Variants in PCDH11X observed in about 807,000 individuals in gnomAD.
The protein encoded by PCDH11X is protocadherin 11 X-linked.
In PCDH11X, 18 loss-of-function variants were observed where a neutral mutation model predicts 53.3. That is an observed-to-expected ratio of 0.34 (90% CI 0.23 to 0.50). The LOEUF (loss-of-function observed/expected upper bound fraction) is 0.50, where lower values mean the gene tolerates loss of function less well. Among genes scored for constraint, PCDH11X ranks in the 20% least tolerant of loss-of-function variants. PCDH11X has a pLI of 0.98. For synonymous variants in PCDH11X, 279 were observed against 393.3 expected, an observed-to-expected ratio of 0.71 and a Z score of 3.44; for missense variants, 570 against 1,032.4, an observed-to-expected ratio of 0.55 and a Z score of 6.14.
chrX:92,054,820 C>CAAAAAAA (rs1174448342), intron 6 of PCDH11X, among the ~76,000 whole-genome samples: 20 of 25,331 alleles, frequency 7.9e-4, no homozygotes, highest in African/African-American at 1.8e-3. Flanking sequence ...AACTCTGTCT[C>CAAAAAAA]AAAAAAAAAA....
intron 7 of PCDH11X, among the ~76,000 whole-genome samples, chrX:92,246,241 G>T (rs976507265): frequency 9.0e-6 from 1 of 111,542 alleles, no homozygotes; most frequent in South Asian, 3.8e-4. Context: ...ATTCATAGGC[G>T]TTGGGGCATA....
At chrX:91,782,634 A>G (rs1935189690) in intron 1 of PCDH11X, among the ~76,000 whole-genome samples, 1 of 107,304 alleles carries the variant, frequency 9.3e-6, no homozygotes, top group Non-Finnish European at 1.9e-5. Flanking sequence ...AGGCTGGGGA[A>G]TCCCCTTCAC....
chrX:92,340,309 C>T (rs1312470517), intron 8 of PCDH11X, among the ~76,000 whole-genome samples: 1 of 111,028 alleles, frequency 9.0e-6, no homozygotes, highest in Non-Finnish European at 1.9e-5. Context: ...CAGTGGGTGA[C>T]AGTGACCCTC....
chrX:92,274,412 T>C (rs1248574417), intron 8 of PCDH11X, among the ~76,000 whole-genome samples: 1 of 110,917 alleles, frequency 9.0e-6, no homozygotes, highest in African/African-American at 3.3e-5. Context: ...TATCAGACTG[T>C]ATTGAGGTGG....
intron 10 of PCDH11X, among the ~76,000 whole-genome samples, chrX:92,607,686 A>C (rs186583264): frequency 8.9e-6 from 1 of 111,913 alleles, no homozygotes; most frequent in African/African-American, 3.2e-5. Context: ...ATGACTTTGC[A>C]TCAATTTCCT....
rs766846934 is a variant in PCDH11X, at chrX:91,890,780, C to T, written c.3033+11507C>T. Among the ~76,000 whole-genome samples, 10 of 110,454 alleles carry T rather than the reference C, an allele frequency of 9.1e-5. No individual in the cohort carries two copies. In the South Asian group the frequency reaches 3.8e-3, roughly 42 times the overall value. ...GATTTGCTGTTTCATGTGTCTTCAA[C>T]TTTATGGGTTTAATTTATGTCTTCA... On this transcript the variant is annotated intron_variant, in intron 6 of 10. Coordinates refer to ENST00000682573, the MANE Select transcript of PCDH11X (RefSeq NM_032968.5).
chrX:92,042,634 C>CTTTTTTTTTTTTTT (rs3865918), intron 6 of PCDH11X, among the ~76,000 whole-genome samples: 1 of 59,168 alleles, frequency 1.7e-5, no homozygotes, highest in East Asian at 1.3e-3. Flanking sequence ...AAAGTTGTTG[C>CTTTTTTTTTTTTTT]TTTTTTTTTT....
intron 6 of PCDH11X, among the ~76,000 whole-genome samples, chrX:92,046,536 G>T (rs1424205657): frequency 9.0e-6 from 1 of 110,909 alleles, no homozygotes; most frequent in East Asian, 2.9e-4. Flanking sequence ...TGTGTTGTTT[G>T]TTTTACATTG....
At chrX:92,301,024 A>G (rs1269956643) in intron 8 of PCDH11X, among the ~76,000 whole-genome samples, 3 of 110,583 alleles carry the variant, frequency 2.7e-5, no homozygotes, top group Admixed American at 9.6e-5. Flanking sequence ...CTACTTGCCT[A>G]TGTGTGTGCC....
At chrX:92,290,055 A>G (rs2068460872) in intron 8 of PCDH11X, among the ~76,000 whole-genome samples, 2 of 111,720 alleles carry the variant, frequency 1.8e-5, no homozygotes, top group Admixed American at 1.9e-4. Context: ...TTATAGCTGC[A>G]ATTTCGATCA....
chrX:92,399,012 T>C (rs1157315465), intron 9 of PCDH11X, among the ~76,000 whole-genome samples: 2 of 107,486 alleles, frequency 1.9e-5, no homozygotes, highest in Non-Finnish European at 3.8e-5. Context: ...CTAACACAGG[T>C]GAAACCCCGT....
chrX:92,129,764 T>C (rs57761699), intron 6 of PCDH11X, among the ~76,000 whole-genome samples: 3,745 of 111,270 alleles, frequency 0.034, 170 homozygotes, highest in African/African-American at 0.12. Flanking sequence ...TAGGGAGGGC[T>C]CACATAAGGA....
chrX:92,056,808 G>C (rs1369319381), intron 6 of PCDH11X, among the ~76,000 whole-genome samples: 3 of 110,501 alleles, frequency 2.7e-5, no homozygotes, highest in African/African-American at 9.8e-5. Context: ...TACTTAAAAA[G>C]AAATAGCACA....
rs768021384 is a variant in PCDH11X at position 92,512,149 on chromosome X, G to A, written c.3367+43827G>A. ...TGATTTCACATACCATATACTATATGAAGACCATACTGTCATAATAGTCTC... is the reference window on the plus strand; with the variant it reads ...TGATTTCACATACCATATACTATATAAAGACCATACTGTCATAATAGTCTC... On this transcript the variant is annotated intron_variant, in intron 10 of 10. Transcript: ENST00000682573. Among the ~76,000 whole-genome samples, 311 of 107,141 alleles carry A rather than the reference G, an allele frequency of 2.9e-3. 2 individuals are homozygous for A. Among genetic ancestry groups the A allele is most frequent in the African/African-American group, 0.01 (302 of 29,513 alleles). The allele number at this position is 107,141 out of a possible 115,157, so 93.0% of individuals were successfully genotyped here.
chrX:92,408,316 T>G (rs2071567468), intron 9 of PCDH11X, among the ~76,000 whole-genome samples: 1 of 109,338 alleles, frequency 9.1e-6, no homozygotes, highest in African/African-American at 3.3e-5. Flanking sequence ...AATAGTAATT[T>G]CAGCTACAGA....
chrX:92,518,303 A>C (rs745416610), intron 10 of PCDH11X, among the ~76,000 whole-genome samples: 1 of 111,301 alleles, frequency 9.0e-6, no homozygotes, highest in Non-Finnish European at 1.9e-5. Context: ...TCTTCCTGTA[A>C]GTTTCATTTA....
At chrX:92,055,740 T>G (rs1452386945) in intron 6 of PCDH11X, among the ~76,000 whole-genome samples, 2 of 110,653 alleles carry the variant, frequency 1.8e-5, no homozygotes, top group Non-Finnish European at 3.8e-5. Flanking sequence ...CAGTGTGTGC[T>G]GTCCCCTCTA....
intron 6 of PCDH11X, among the ~76,000 whole-genome samples, chrX:92,110,990 G>A (rs1217264022): frequency 3.7e-5 from 4 of 108,448 alleles, no homozygotes; most frequent in Non-Finnish European, 7.6e-5. Flanking sequence ...TGTAAATGCA[G>A]TCAACATCTG....
At chrX:92,177,901 T>C (rs1168696723) in intron 6 of PCDH11X, among the ~76,000 whole-genome samples, 1 of 110,924 alleles carries the variant, frequency 9.0e-6, no homozygotes, top group Non-Finnish European at 1.9e-5. Context: ...AAACACAATT[T>C]GGAAAATGTT....
Sources: gnomAD v4.1 joint callset for allele counts (sites outside exome capture counted in the v4.1 genomes callset) on GRCh38, gnomAD v4.1.1 for gene constraint, MANE v1.5 for transcripts, NCBI Gene and HGNC (gene_info 2026-07-23, HGNC 2026-07-21) for gene names.